The following XKR6 variants were observed in gnomAD, a reference collection of about 807,000 sequenced individuals.
The protein encoded by XKR6 is XK related 6.
Under a neutral mutation model 56.7 loss-of-function variants are expected in XKR6, and 22 were observed. The ratio of observed to expected loss-of-function variants is 0.39; its 90% CI spans 0.28 to 0.55. The LOEUF (loss-of-function observed/expected upper bound fraction) is 0.55. Among genes scored for constraint, XKR6 ranks in the 20% least tolerant of loss-of-function variants. The pLI is 0.66. For missense variants in XKR6, 852 were observed against 889.0 expected (o/e 0.96, Z 0.53); for synonymous variants, 524 against 387.8 (o/e 1.35, Z -4.13).
At chr8:10,969,989 C>A (rs926773843) in intron 1 of XKR6, among the ~76,000 whole-genome samples, 2 of 152,210 alleles carry the variant, frequency 1.3e-5, no homozygotes, top group Non-Finnish European at 2.9e-5. Flanking sequence ...GCCCACAGAC[C>A]CTGCCAAGTT....
At chr8:11,012,228 A>T (rs1202125220) in intron 1 of XKR6, among the ~76,000 whole-genome samples, 3 of 152,150 alleles carry the variant, frequency 2.0e-5, no homozygotes, top group Non-Finnish European at 4.4e-5. Flanking sequence ...CAGCATGGGG[A>T]CAGAAGGGGC....
chr8:11,042,517 T>G (rs749605716), intron 1 of XKR6, among the ~76,000 whole-genome samples: 19 of 152,222 alleles, frequency 1.2e-4, no homozygotes, highest in Non-Finnish European at 2.8e-4. Context: ...CTTTGCTCCT[T>G]CTTTGCCTTC....
At chr8:11,121,915 C>T (rs909857370) in intron 1 of XKR6, among the ~76,000 whole-genome samples, 1 of 152,172 alleles carries the variant, frequency 6.6e-6, no homozygotes, top group Admixed American at 6.5e-5. Flanking sequence ...AACCATCATT[C>T]TCAGCAAACT....
chr8:10,968,063 C>A lies in XKR6; in HGVS notation c.765-43233G>T, dbSNP rs372819486. ...GGCCCTGCAGCACCCCCCAGCCTTTCCTGTGAGCGAGGGGCCTGTTGCTGC... is the reference window on the plus strand; with the variant it reads ...GGCCCTGCAGCACCCCCCAGCCTTTACTGTGAGCGAGGGGCCTGTTGCTGC... On this transcript the variant is annotated intron_variant, in intron 1 of 2. Transcript: ENST00000416569. Among the ~76,000 whole-genome samples the A allele has an allele frequency of 7.2e-5, 11 of 152,198 alleles. No individual in the cohort carries two copies. In the East Asian group the frequency reaches 7.7e-4, roughly 11 times the overall value.
intron 1 of XKR6, among the ~76,000 whole-genome samples, chr8:11,162,400 T>A (rs1769638103): frequency 6.6e-6 from 1 of 152,156 alleles, no homozygotes; most frequent in Admixed American, 6.5e-5. Context: ...TGATATCAGA[T>A]TCACCAAGGT....
chr8:11,147,801 T>C (rs1801066590), intron 1 of XKR6, among the ~76,000 whole-genome samples: 1 of 152,196 alleles, frequency 6.6e-6, no homozygotes, highest in South Asian at 2.1e-4. Context: ...TCTTACCAAG[T>C]GCTGGCAAGT....
intron 1 of XKR6, among the ~76,000 whole-genome samples, chr8:11,117,012 T>C (rs193148728): frequency 6.6e-6 from 1 of 152,254 alleles, no homozygotes; most frequent in Non-Finnish European, 1.5e-5. Context: ...TCAGTAATAT[T>C]ACACTGTCTC....
intron 1 of XKR6, chr8:11,066,815 C>T (rs149015873): frequency 2.6e-5 from 4 of 152,360 alleles, no homozygotes; most frequent in Non-Finnish European, 5.9e-5. Flanking sequence ...CTCTCCCCAC[C>T]TGCAACAGGC....
rs534794325 is a variant in XKR6 at position 10,949,260 on chromosome 8, T to C, written c.765-24430A>G. Among the ~76,000 whole-genome samples the C allele has an allele frequency of 1.2e-4, 18 of 152,368 alleles. No individual in the cohort carries two copies. In the South Asian group the frequency reaches 3.7e-3, roughly 32 times the overall value. On this transcript the variant is annotated intron_variant, in intron 1 of 2. Coordinates refer to ENST00000416569, the MANE Select transcript of XKR6 (RefSeq NM_173683.4). ...AACAACCGTTTCTAAGTCCCTTCCA[T>C]GCCTTGAGTCTTACGGGCCAGCTTA...
chr8:10,989,001 C>T (rs377111449), intron 1 of XKR6, among the ~76,000 whole-genome samples: 2 of 152,204 alleles, frequency 1.3e-5, no homozygotes, highest in Non-Finnish European at 2.9e-5. Context: ...CAATAGATTC[C>T]GTTCCAACAA....
At chr8:11,019,093 A>C (rs7846545) in intron 1 of XKR6, among the ~76,000 whole-genome samples, 37,435 of 152,054 alleles carry the variant, frequency 0.25, 4,957 homozygotes, top group Middle Eastern at 0.33. Flanking sequence ...TAGAGAATAG[A>C]GTCTGCCATG....
rs150055203 is a variant in XKR6, at chr8:11,139,454, A to C, written c.764+61122T>G. Among the ~76,000 whole-genome samples the C allele has an allele frequency of 4.2e-3, 633 of 152,182 alleles. 4 individuals are homozygous for C. The highest frequency in any genetic ancestry group is 0.014 in the African/African-American group (593 of 41,508). On this transcript the variant is annotated intron_variant, in intron 1 of 2. Transcript: ENST00000416569. ...CCAACAGCCTGAGGCACTCACTGAA[A>C]AGCACAGCAGACCCATTTCTTGCCA...
intron 1 of XKR6, among the ~76,000 whole-genome samples, chr8:11,179,710 CTGTT>C (rs1336733026): frequency 1.3e-5 from 2 of 152,202 alleles, no homozygotes. Flanking sequence ...GACTTTCACA[CTGTT>C]TGTTCACCCA....
chr8:11,022,472 C>T (rs1432985370), intron 1 of XKR6, among the ~76,000 whole-genome samples: 1 of 152,192 alleles, frequency 6.6e-6, no homozygotes, highest in Non-Finnish European at 1.5e-5. Flanking sequence ...TGGGAGACCA[C>T]AAAATGACCT....
intron 1 of XKR6, among the ~76,000 whole-genome samples, chr8:10,956,151 G>A (rs1801881054): frequency 6.6e-6 from 1 of 151,910 alleles, no homozygotes; most frequent in Non-Finnish European, 1.5e-5. Flanking sequence ...CTGGGGGCCA[G>A]TGCTGCCAGG....
chr8:10,905,515 T>C (rs1055156832), intron 2 of XKR6, among the ~76,000 whole-genome samples: 7 of 152,228 alleles, frequency 4.6e-5, no homozygotes, highest in Non-Finnish European at 5.9e-5. Context: ...AGCCATATCC[T>C]GACATTTGCA....
intron 1 of XKR6, among the ~76,000 whole-genome samples, chr8:11,147,654 C>CA (rs35057185): frequency 0.091 from 9,173 of 100,352 alleles, 391 homozygotes; most frequent in South Asian, 0.13. Context: ...GACTCTGTCT[C>CA]AAAAAAAAAA....
At chr8:10,940,129 C>T (rs759238479) in intron 1 of XKR6, among the ~76,000 whole-genome samples, 2 of 152,184 alleles carry the variant, frequency 1.3e-5, no homozygotes, top group East Asian at 1.9e-4. Flanking sequence ...TAGCAGAGCG[C>T]CTGGCACATG....
At chr8:11,102,365 G>C (rs970943493) in intron 1 of XKR6, among the ~76,000 whole-genome samples, 2 of 152,144 alleles carry the variant, frequency 1.3e-5, no homozygotes, top group African/African-American at 4.8e-5. Context: ...AACAGTGCCT[G>C]AAGTCTAGTA....
Sources: gnomAD v4.1 joint callset for allele counts (sites outside exome capture counted in the v4.1 genomes callset) on GRCh38, gnomAD v4.1.1 for gene constraint, MANE v1.5 for transcripts, NCBI Gene and HGNC (gene_info 2026-07-23, HGNC 2026-07-21) for gene names.